The following CDH2 variants were observed in gnomAD, a reference collection of about 807,000 sequenced individuals.
CDH2 encodes cadherin-2.
Under a neutral mutation model 92.0 loss-of-function variants are expected in CDH2, and 17 were observed. That is an observed-to-expected ratio of 0.18 (90% CI 0.13 to 0.28). The LOEUF is 0.28. Ranked by LOEUF, CDH2 falls within the 10% of genes least tolerant of loss-of-function variation. CDH2 has a pLI of 1.00. For synonymous variants in CDH2, 419 were observed against 415.9 expected, an observed-to-expected ratio of 1.01 and a Z score of -0.09; for missense variants, 862 against 1,133.1, an observed-to-expected ratio of 0.76 and a Z score of 3.44.
chr18:27,967,471 G>T (rs2011558398), intron 14 of CDH2, among the ~76,000 whole-genome samples: 1 of 152,092 alleles, frequency 6.6e-6, no homozygotes, highest in Non-Finnish European at 1.5e-5. Context: ...ACGTCATTGG[G>T]TTCATGGCCT....
At chr18:27,946,951 G>A (rs1026461291), downstream of CDH2, among the ~76,000 whole-genome samples, 3 of 151,930 alleles carry the variant, frequency 2.0e-5, no homozygotes, top group Middle Eastern at 3.4e-3. Context: ...TTCAAGGTAA[G>A]TGAAGTATAA....
chr18:28,025,298 G>A (rs2013520601), intron 2 of CDH2, among the ~76,000 whole-genome samples: 1 of 152,068 alleles, frequency 6.6e-6, no homozygotes, highest in Admixed American at 6.6e-5. Flanking sequence ...CAGGAGGGTT[G>A]CCTAAACTCA....
At chr18:28,045,676 CAT>C (rs1024135598) in intron 2 of CDH2, 8 of 274,056 alleles carry the variant, frequency 2.9e-5, no homozygotes, top group African/African-American at 1.1e-4. Flanking sequence ...CCCTCCCCCA[CAT>C]GTGTGCTTCA....
chr18:28,062,217 ATC>A (rs985677550), intron 2 of CDH2, among the ~76,000 whole-genome samples: 2 of 152,188 alleles, frequency 1.3e-5, no homozygotes, highest in African/African-American at 2.4e-5. Flanking sequence ...CTAGCCATTT[ATC>A]TCTTTTTAAA....
At chr18:27,955,769 T>TTTTTG (rs2011232412) in intron 15 of CDH2, among the ~76,000 whole-genome samples, 2 of 146,472 alleles carry the variant, frequency 1.4e-5, no homozygotes, top group East Asian at 4.1e-4. Context: ...CTGTTTTTTT[T>TTTTTG]TTTTTTTTTT....
At chr18:28,027,143 G>A (rs535253740) in intron 2 of CDH2, among the ~76,000 whole-genome samples, 20 of 152,114 alleles carry the variant, frequency 1.3e-4, no homozygotes, top group Admixed American at 1.2e-3. Context: ...CATGAATATC[G>A]GTTTTTGTGT....
intron 1 of CDH2, among the ~76,000 whole-genome samples, chr18:28,170,789 T>C (rs1368670594): frequency 6.6e-6 from 1 of 152,254 alleles, no homozygotes; most frequent in East Asian, 1.9e-4. Flanking sequence ...CATAATTTCT[T>C]AAATCATTTC....
intron 15 of CDH2, among the ~76,000 whole-genome samples, chr18:27,954,830 C>G (rs535137364): frequency 6.6e-6 from 1 of 152,270 alleles, no homozygotes; most frequent in African/African-American, 2.4e-5. Flanking sequence ...TACTAATGAG[C>G]TAGATCCAAT....
At chr18:27,933,834 A>C (rs1908960358) in intron 6 of CDH2, among the ~76,000 whole-genome samples, 1 of 151,816 alleles carries the variant, frequency 6.6e-6, no homozygotes, top group Non-Finnish European at 1.5e-5. Flanking sequence ...ATTATACCTA[A>C]CTAAGACTTT....
intron 2 of CDH2, among the ~76,000 whole-genome samples, chr18:28,051,211 T>C: frequency 6.6e-6 from 1 of 152,222 alleles, no homozygotes; most frequent in Non-Finnish European, 1.5e-5. Flanking sequence ...TATTTCCTAG[T>C]ACCTCAGGGT....
At chr18:28,055,983 T>C (rs1196335051) in intron 2 of CDH2, among the ~76,000 whole-genome samples, 1 of 152,164 alleles carries the variant, frequency 6.6e-6, no homozygotes. Context: ...AATGACTATA[T>C]GGTAACTGAA....
intron 2 of CDH2, among the ~76,000 whole-genome samples, chr18:28,098,882 T>C (rs1191745933): frequency 6.6e-6 from 1 of 152,132 alleles, no homozygotes; most frequent in Non-Finnish European, 1.5e-5. Context: ...TGTACATTAA[T>C]TGGGGGTTAC....
intron 2 of CDH2, among the ~76,000 whole-genome samples, chr18:28,145,380 T>C (rs1311576555): frequency 2.0e-5 from 3 of 152,066 alleles, no homozygotes; most frequent in Non-Finnish European, 2.9e-5. Flanking sequence ...TTAAACACTA[T>C]AGGCGACAAA....
chr18:28,025,259 T>C (rs1449299649), intron 2 of CDH2, among the ~76,000 whole-genome samples: 1 of 152,182 alleles, frequency 6.6e-6, no homozygotes, highest in African/African-American at 2.4e-5. Flanking sequence ...GGCTCACGCC[T>C]TTAATCCTAG....
intron 2 of CDH2, among the ~76,000 whole-genome samples, chr18:28,042,332 G>A (rs1049942917): frequency 1.3e-5 from 2 of 152,012 alleles, no homozygotes; most frequent in Non-Finnish European, 2.9e-5. Flanking sequence ...TGGTAATTGC[G>A]TTATCAATCT....
At chr18:28,010,933 C>T (rs1380511951) in intron 4 of CDH2, among the ~76,000 whole-genome samples, 1 of 147,624 alleles carries the variant, frequency 6.8e-6, no homozygotes, top group African/African-American at 2.5e-5. Flanking sequence ...TACAGGTGCC[C>T]TGCCTGTTTT....
intron 1 of CDH2, among the ~76,000 whole-genome samples, chr18:28,160,697 C>T (rs540666037): frequency 6.6e-6 from 1 of 152,312 alleles, no homozygotes; most frequent in South Asian, 2.1e-4. Context: ...AGTCAACCAC[C>T]AGACCAAACC....
At chr18:28,035,397 A>G (rs1177596768) in intron 2 of CDH2, among the ~76,000 whole-genome samples, 1 of 151,964 alleles carries the variant, frequency 6.6e-6, no homozygotes, top group Non-Finnish European at 1.5e-5. Context: ...ACTTTGCTGA[A>G]TATCTTATTG....
At chr18:28,172,076 GGTGT>G (rs34158369) in intron 1 of CDH2, among the ~76,000 whole-genome samples, 4,968 of 146,496 alleles carry the variant, frequency 0.034, 204 homozygotes, top group African/African-American at 0.096. Context: ...ATACATTTGG[GGTGT>G]GTGTGTGTGT....
Sources: gnomAD v4.1 joint callset for allele counts (sites outside exome capture counted in the v4.1 genomes callset) on GRCh38, gnomAD v4.1.1 for gene constraint, MANE v1.5 for transcripts, NCBI Gene and HGNC (gene_info 2026-07-23, HGNC 2026-07-21) for gene names.